Variants in GTF2A1L observed in about 807,000 individuals in gnomAD.
The protein encoded by GTF2A1L is TFIIA-alpha and beta-like factor.
Under a neutral mutation model 49.7 loss-of-function variants are expected in GTF2A1L, and 48 were observed. The ratio of observed to expected loss-of-function variants is 0.97; its 90% confidence interval spans 0.77 to 1.23. The LOEUF (loss-of-function observed/expected upper bound fraction) is 1.23. GTF2A1L is among the 50% of genes most tolerant of loss of function. The pLI is 0.00. For synonymous variants in GTF2A1L, 246 were observed against 193.5 expected, an observed-to-expected ratio of 1.27 and a Z score of -2.25; for missense variants, 736 against 564.8, an observed-to-expected ratio of 1.30 and a Z score of -3.07.
chr2:48,650,181 A>C (rs1252768023), intron 6 of GTF2A1L, among the ~76,000 whole-genome samples: 1 of 152,222 alleles, frequency 6.6e-6, no homozygotes, highest in Admixed American at 6.5e-5. Context: ...TTGTATATGC[A>C]GTAATCTAAG....
chr2:48,650,132 A>T (rs1274494446), intron 6 of GTF2A1L, among the ~76,000 whole-genome samples: 2 of 152,198 alleles, frequency 1.3e-5, no homozygotes, highest in Admixed American at 6.5e-5. Context: ...TCAAAGATAC[A>T]TTGATATGTT....
intron 8 of GTF2A1L, among the ~76,000 whole-genome samples, chr2:48,672,048 T>C (rs1012808209): frequency 4.6e-5 from 7 of 152,208 alleles, no homozygotes; most frequent in Non-Finnish European, 1.0e-4. Flanking sequence ...GTAAATCAAA[T>C]GCTAAGATAT....
chr2:48,676,663 G>A (rs1426582443), intron 8 of GTF2A1L, among the ~76,000 whole-genome samples: 1 of 151,412 alleles, frequency 6.6e-6, no homozygotes, highest in Non-Finnish European at 1.5e-5. Context: ...TATTTTCATT[G>A]CTTTTTCTTT....
At chr2:48,668,647 C>G (rs183014096) in intron 6 of GTF2A1L, 56 of 152,068 alleles carry the variant, frequency 3.7e-4, no homozygotes, top group African/African-American at 1.3e-3. Context: ...CTGGCTAACA[C>G]GGTGGAACCC....
In GTF2A1L at chr2:48,621,155, T is replaced by C. The variant is rs768716380; in HGVS notation, c.124-12T>C. On this transcript the variant is annotated splice_polypyrimidine_tract_variant and intron_variant, in intron 2 of 8. Transcript: ENST00000403751. ...ATTTTTTTAAAGTAAACTTTTTTTTTCCCCTCTGCAGCTCTGGGAAACCAA... is the reference window on the plus strand; with the variant it reads ...ATTTTTTTAAAGTAAACTTTTTTTTCCCCCTCTGCAGCTCTGGGAAACCAA... The C allele has an allele frequency of 4.6e-5, 73 of 1,580,762 alleles. No individual in the cohort carries two copies. The highest frequency in any genetic ancestry group is 6.7e-5 in the East Asian group (3 of 44,722).
At chr2:48,634,682 T>C (rs893163249) in intron 3 of GTF2A1L, among the ~76,000 whole-genome samples, 4 of 152,214 alleles carry the variant, frequency 2.6e-5, no homozygotes, top group African/African-American at 7.2e-5. Context: ...ATGAAATTCT[T>C]GGTTGGAATT....
chr2:48,643,659 G>T (rs1397035407), intron 4 of GTF2A1L, among the ~76,000 whole-genome samples: 1 of 150,876 alleles, frequency 6.6e-6, no homozygotes, highest in Non-Finnish European at 1.5e-5. Context: ...GGAGACTGAG[G>T]TACTGGGCAC....
At chr2:48,675,962 G>C (rs954502599) in intron 8 of GTF2A1L, among the ~76,000 whole-genome samples, 8 of 151,642 alleles carry the variant, frequency 5.3e-5, no homozygotes, top group Non-Finnish European at 1.2e-4. Context: ...TCAAAATACT[G>C]TAAAAAGGTA....
intron 3 of GTF2A1L, among the ~76,000 whole-genome samples, chr2:48,622,477 G>C (rs993178492): frequency 2.6e-5 from 4 of 151,830 alleles, no homozygotes; most frequent in African/African-American, 9.7e-5. Flanking sequence ...GTTAATCACT[G>C]TTTTATTTAT....
chr2:48,670,870 C>G (rs1395207136), intron 7 of GTF2A1L, among the ~76,000 whole-genome samples: 2 of 152,092 alleles, frequency 1.3e-5, no homozygotes, highest in Non-Finnish European at 2.9e-5. Flanking sequence ...GTTGCCCAGG[C>G]TGGAGTGCAG....
intron 3 of GTF2A1L, among the ~76,000 whole-genome samples, chr2:48,639,555 G>A (rs1677090877): frequency 6.6e-6 from 1 of 152,000 alleles, no homozygotes; most frequent in Non-Finnish European, 1.5e-5. Context: ...AACTCAAGAT[G>A]GATTAAAGAC....
intron 3 of GTF2A1L, among the ~76,000 whole-genome samples, chr2:48,631,665 T>C (rs975736694): frequency 6.6e-6 from 1 of 152,156 alleles, no homozygotes; most frequent in African/African-American, 2.4e-5. Flanking sequence ...AATTTTGTTG[T>C]GTTTCACTCC....
Position 48,646,657 on chromosome 2 carries a change from C to T in GTF2A1L, c.593C>T (p.Ala198Val), listed in dbSNP as rs776021986. The change falls in exon 6 of 9, where the codon GCA becomes GTA. Residue 198 changes from alanine (A) to valine (V), a missense_variant. Transcript: ENST00000403751. The stretch of plus-strand genomic sequence containing the variant: ...ATTGAAACCGTGCTACAGCAACCCG[C>T]AATTCTACCTTCTGGGCCAGTAGAT... The part of the protein sequence containing the change: ...QRIETVLQQP[A>V]ILPSGPVDRK... The T allele has an allele frequency of 2.0e-5, 33 of 1,613,980 alleles. No individual in the cohort carries two copies. In the Admixed American group the frequency reaches 3.2e-4, roughly 15 times the overall value.
chr2:48,621,361 G>T, intron 3 of GTF2A1L, 71 bp downstream of exon 3: 1 of 1,603,984 alleles, frequency 6.2e-7, no homozygotes. Context: ...ATGTTTTTCA[G>T]TTAGACAGGG....
chr2:48,651,984 CAA>C (rs1677878150), intron 6 of GTF2A1L, among the ~76,000 whole-genome samples: 1 of 152,110 alleles, frequency 6.6e-6, no homozygotes, highest in South Asian at 2.1e-4. Flanking sequence ...CTATTTTGGT[CAA>C]ATTACCACTT....
chr2:48,637,227 G>A (rs1477466436), intron 3 of GTF2A1L, among the ~76,000 whole-genome samples: 1 of 152,070 alleles, frequency 6.6e-6, no homozygotes, highest in Admixed American at 6.6e-5. Flanking sequence ...ATTTGGATTG[G>A]TTCAAAGAAG....
At chr2:48,645,702 G>A (rs1259807382) in intron 5 of GTF2A1L, among the ~76,000 whole-genome samples, 1 of 152,168 alleles carries the variant, frequency 6.6e-6, no homozygotes, top group Non-Finnish European at 1.5e-5. Context: ...ACGCTGTAGT[G>A]CAGTGGCGCA....
At chr2:48,621,056 A>G in intron 2 of GTF2A1L, 104 bp downstream of exon 2, 2 of 1,511,438 alleles carry the variant, frequency 1.3e-6, no homozygotes, top group Non-Finnish European at 1.8e-6. Context: ...GTACTTACCC[A>G]TTCATTGTGC....
intron 7 of GTF2A1L, 121 bp from the exon 8 acceptor site, chr2:48,671,470 C>T (rs1679163075): frequency 2.0e-6 from 2 of 976,806 alleles, no homozygotes; most frequent in Admixed American, 2.7e-5. Context: ...TCCCGTAGTG[C>T]TGGGATTATA....
Sources: allele counts gnomAD v4.1 joint callset (sites outside exome capture counted in the v4.1 genomes callset), GRCh38; gene constraint gnomAD v4.1.1; transcripts MANE v1.5; gene names NCBI Gene and HGNC (gene_info 2026-07-23, HGNC 2026-07-21).